The following ADCY7 variants were observed in gnomAD, a reference collection of about 807,000 sequenced individuals.
ADCY7 encodes the protein adenylate cyclase type 7.
ADCY7 carries 72 observed loss-of-function variants against 120.6 expected under a neutral mutation model. The observed-to-expected ratio is 0.60, with a 90% CI of 0.49 to 0.73. The LOEUF (loss-of-function observed/expected upper bound fraction) is 0.73, where lower values mean the gene tolerates loss of function less well. Among genes scored for constraint, ADCY7 ranks in the 30% least tolerant of loss-of-function variants. ADCY7 has a pLI of 0.00. For synonymous variants in ADCY7, 661 were observed against 628.0 expected, an observed-to-expected ratio of 1.05 and a Z score of -0.78; for missense variants, 1,227 against 1,486.0, an observed-to-expected ratio of 0.83 and a Z score of 2.87.
At chr16:50,310,908 T>A in intron 19 of ADCY7, 28 bp downstream of exon 19, 2 of 1,548,420 alleles carry the variant, frequency 1.3e-6, no homozygotes, top group Non-Finnish European at 1.7e-6. Context: ...CCCGTCCCCA[T>A]CCCCATGGTG....
At chr16:50,257,148 G>C (rs1240508389) in intron 1 of ADCY7, among the ~76,000 whole-genome samples, 1 of 152,168 alleles carries the variant, frequency 6.6e-6, no homozygotes, top group East Asian at 1.9e-4. Flanking sequence ...GGGAGGCTAA[G>C]GTGGGAGAAT....
chr16:50,273,661 GAA>G (rs2033704162), intron 1 of ADCY7, among the ~76,000 whole-genome samples: 1 of 152,236 alleles, frequency 6.6e-6, no homozygotes, highest in Non-Finnish European at 1.5e-5. Flanking sequence ...GGAGCGAAGA[GAA>G]GGGTTTCATC....
Position 50,308,381 on chromosome 16 carries a change from G to T in ADCY7, c.1905G>T (p.Val635=). 2 of 1,614,132 alleles carry T rather than the reference G, an allele frequency of 1.2e-6. No homozygotes were observed. Among genetic ancestry groups the T allele is most frequent in the South Asian group, 2.2e-5 (2 of 91,070 alleles). The change falls in exon 16 of 26, where the codon GTG becomes GTT. Residue 635 remains valine, a synonymous_variant. Transcript: ENST00000673801. ...FGLVACVLGL[V]LGLCFATKFS... ...TGGTGGCCTGTGTACTGGGGCTGGT[G>T]CTGGGCCTGTGCTTTGCCACCAAGT...
intron 1 of ADCY7, among the ~76,000 whole-genome samples, chr16:50,246,904 A>G (rs934209289): frequency 6.6e-6 from 1 of 151,814 alleles, no homozygotes; most frequent in Admixed American, 6.6e-5. Flanking sequence ...AAGGCCAGGA[A>G]CTCCTTTCTG....
At chr16:50,258,569 T>C (rs180961316) in intron 1 of ADCY7, among the ~76,000 whole-genome samples, 3 of 151,674 alleles carry the variant, frequency 2.0e-5, no homozygotes, top group East Asian at 1.9e-4. Context: ...CTGGCAGTCA[T>C]TGATATTCAA....
chr16:50,311,225 G>C (rs1218047704), intron 19 of ADCY7, among the ~76,000 whole-genome samples: 1 of 152,180 alleles, frequency 6.6e-6, no homozygotes, highest in African/African-American at 2.4e-5. Flanking sequence ...GGTGATACCT[G>C]AGGCTGGCAG....
chr16:50,258,595 ATT>A (rs5816685), intron 1 of ADCY7, among the ~76,000 whole-genome samples: 4,603 of 140,246 alleles, frequency 0.033, 204 homozygotes, highest in African/African-American at 0.11. Context: ...TTAAGGTAGT[ATT>A]TTTTTTTTTT....
intron 1 of ADCY7, among the ~76,000 whole-genome samples, chr16:50,251,794 C>A (rs914651054): frequency 1.4e-4 from 22 of 152,168 alleles, no homozygotes; most frequent in Non-Finnish European, 1.9e-4. Flanking sequence ...CGGGGGCTCC[C>A]AGTTCACTGT....
chr16:50,289,438 G>A (rs558968704), intron 2 of ADCY7: 2 of 321,236 alleles, frequency 6.2e-6, no homozygotes, highest in South Asian at 2.2e-5. Flanking sequence ...TAGCTATTGA[G>A]CATTTAAAAA....
chr16:50,296,075 CAG>C (rs1260386514), intron 7 of ADCY7, among the ~76,000 whole-genome samples: 1 of 152,180 alleles, frequency 6.6e-6, no homozygotes, highest in Non-Finnish European at 1.5e-5. Context: ...GTTTTTGAGA[CAG>C]AGTCTTGCTC....
upstream of ADCY7, among the ~76,000 whole-genome samples, chr16:50,264,715 A>G (rs1018298379): frequency 6.6e-6 from 1 of 151,786 alleles, no homozygotes; most frequent in Admixed American, 6.6e-5. Context: ...GATGTTGAGT[A>G]TCTTTTTCAT....
intron 8 of ADCY7, among the ~76,000 whole-genome samples, chr16:50,300,019 G>A (rs908290022): frequency 6.6e-6 from 1 of 152,222 alleles, no homozygotes; most frequent in Non-Finnish European, 1.5e-5. Context: ...GGGCCCCTGT[G>A]TTCCTTGTCT....
intron 7 of ADCY7, among the ~76,000 whole-genome samples, chr16:50,296,541 A>G (rs2035365725): frequency 6.6e-6 from 1 of 151,952 alleles, no homozygotes; most frequent in Non-Finnish European, 1.5e-5. Context: ...TATTTTTAGT[A>G]GAGACGGGGT....
At chr16:50,300,079 C>CT (rs1555522946) in intron 8 of ADCY7, among the ~76,000 whole-genome samples, 24 of 152,102 alleles carry the variant, frequency 1.6e-4, no homozygotes, top group South Asian at 4.2e-4. Context: ...CGCCAGTAAA[C>CT]TTTATTTATT....
Position 50,312,149 on chromosome 16 carries a change from A to G in ADCY7, c.2562A>G (p.Pro854=). 6.2e-7 allele frequency: 1 copy of G among 1,614,244 alleles called. No individual in the cohort carries two copies. The highest frequency in any genetic ancestry group is 1.3e-5 in the African/African-American group (1 of 75,070). Residue 854 remains proline, a synonymous_variant, in exon 21 of 26, where the codon CCA becomes CCG. Transcript: ENST00000673801. ...GCCTTCTTCTGGAGAACGTCCTGCCAGCCCACGTGGCTGCCCACTTTATCG... is the reference window on the plus strand; with the variant it reads ...GCCTTCTTCTGGAGAACGTCCTGCCGGCCCACGTGGCTGCCCACTTTATCG... ...VNRLLLENVL[P]AHVAAHFIGD...
chr16:50,265,299 C>A (rs887277796), upstream of ADCY7, among the ~76,000 whole-genome samples: 7 of 152,148 alleles, frequency 4.6e-5, no homozygotes, highest in African/African-American at 1.7e-4. Context: ...GATAGGAGGG[C>A]GACCCTGATG....
At position 50,305,018 on chromosome 16, in the gene ADCY7, C is replaced by T. The variant is rs1050482104; in HGVS notation, c.1595+59C>T. 5.6e-6 allele frequency: 9 copies of T among 1,602,652 alleles called. No individual in the cohort carries two copies. The African/African-American group carries it at 6.7e-5, about 12-fold the overall frequency. On this transcript the variant is annotated intron_variant, in intron 12 of 25. Transcript: ENST00000673801. The stretch of plus-strand genomic sequence containing the variant: ...GCAGCCACCTCCTCCAAGCAGGCTG[C>T]CCTGAGCAGCCTCTGTCCAGTGGGC...
At chr16:50,284,513 C>T (rs1046083099) in intron 1 of ADCY7, among the ~76,000 whole-genome samples, 8 of 152,224 alleles carry the variant, frequency 5.3e-5, no homozygotes, top group South Asian at 4.1e-4. Flanking sequence ...CGTGTCTGGC[C>T]GCCTCAGCTC....
At chr16:50,314,703 C>A (rs550623071) in intron 24 of ADCY7, 2 of 448,002 alleles carry the variant, frequency 4.5e-6, no homozygotes, top group Non-Finnish European at 8.0e-6. Context: ...TAAATAGTTG[C>A]GGGCCTGCGC....
Sources: gnomAD v4.1 joint callset for allele counts (sites outside exome capture counted in the v4.1 genomes callset) on GRCh38, gnomAD v4.1.1 for gene constraint, MANE v1.5 for transcripts, NCBI Gene and HGNC (gene_info 2026-07-23, HGNC 2026-07-21) for gene names.